Variants in MAF observed in about 807,000 individuals in gnomAD.
The protein encoded by MAF is MAF bZIP transcription factor.
Under a neutral mutation model 22.0 loss-of-function variants are expected in MAF, and 10 were observed. That is an observed-to-expected ratio of 0.45 (90% CI 0.28 to 0.77). MAF has a LOEUF of 0.77. Among genes scored for constraint, MAF ranks in the 30% least tolerant of loss-of-function variants. The pLI is 0.12. For missense variants in MAF, 544 were observed against 548.4 expected, an observed-to-expected ratio of 0.99 and a Z score of 0.08; for synonymous variants, 337 against 255.8, an observed-to-expected ratio of 1.32 and a Z score of -3.03.
chr16:79,534,137 A>C, the MAF span, among the ~76,000 whole-genome samples: 1 of 152,356 alleles, frequency 6.6e-6, no homozygotes, highest in Non-Finnish European at 1.5e-5. Context: ...GCTATTCAGA[A>C]GTACAGCTTG....
the MAF span, chr16:79,211,580 T>G: frequency 3.1e-6 from 5 of 1,613,750 alleles, no homozygotes; most frequent in Non-Finnish European, 4.2e-6. Context: ...CTTAAAATTT[T>G]TTTTTGTCTT....
the MAF span, among the ~76,000 whole-genome samples, chr16:79,455,534 A>C: frequency 7.9e-5 from 12 of 152,330 alleles, no homozygotes; most frequent in South Asian, 2.1e-4. Context: ...CTAGTCTTCC[A>C]GCCAACATAC....
the MAF span, among the ~76,000 whole-genome samples, chr16:79,490,986 C>A: frequency 2.0e-5 from 3 of 152,038 alleles, no homozygotes; most frequent in Admixed American, 2.0e-4. Context: ...CAAACACAAG[C>A]TAGGGAAATC....
the MAF span, among the ~76,000 whole-genome samples, chr16:79,213,643 T>G: frequency 2.5e-4 from 38 of 152,322 alleles, no homozygotes; most frequent in South Asian, 1.0e-3. Flanking sequence ...GCTAGCCTGC[T>G]GGATGATGAG....
chr16:79,294,557 C>T, the MAF span, among the ~76,000 whole-genome samples: 2 of 152,138 alleles, frequency 1.3e-5, no homozygotes, highest in African/African-American at 2.4e-5. Context: ...GTATTGTAAT[C>T]CCTGGGAAAT....
At chr16:79,457,392 T>A in the MAF span, among the ~76,000 whole-genome samples, 1 of 151,014 alleles carries the variant, frequency 6.6e-6, no homozygotes, top group Non-Finnish European at 1.5e-5. Context: ...CACTTTGGTT[T>A]TTTTTTTTTT....
the MAF span, among the ~76,000 whole-genome samples, chr16:79,253,490 G>C: frequency 6.6e-6 from 1 of 152,138 alleles, no homozygotes; most frequent in Admixed American, 6.5e-5. Flanking sequence ...GGCAGTTCCT[G>C]TGGCCTCCCT....
At chr16:79,338,458 G>A in the MAF span, among the ~76,000 whole-genome samples, 1 of 152,284 alleles carries the variant, frequency 6.6e-6, no homozygotes, top group South Asian at 2.1e-4. Flanking sequence ...TTTGGGAGCA[G>A]AATGAAGGCT....
At chr16:79,348,170 A>G in the MAF span, among the ~76,000 whole-genome samples, 1 of 152,244 alleles carries the variant, frequency 6.6e-6, no homozygotes, top group African/African-American at 2.4e-5. Flanking sequence ...AGAGGGGGAA[A>G]GAAGTTCTGA....
At chr16:79,290,908 A>T in the MAF span, among the ~76,000 whole-genome samples, 1 of 152,152 alleles carries the variant, frequency 6.6e-6, no homozygotes, top group Admixed American at 6.5e-5. Context: ...CCTCAACCAG[A>T]CTTTCTGTGG....
the MAF span, among the ~76,000 whole-genome samples, chr16:79,406,847 G>A: frequency 6.6e-6 from 1 of 152,146 alleles, no homozygotes; most frequent in African/African-American, 2.4e-5. Context: ...TGCCCTTCCT[G>A]GGACAGAGGA....
intron 1 of MAF, among the ~76,000 whole-genome samples, chr16:79,588,024 G>A (rs562135689): frequency 1.3e-5 from 2 of 152,290 alleles, no homozygotes; most frequent in Admixed American, 6.5e-5. Flanking sequence ...TTTTCGAGCT[G>A]GGCCGCAGTG....
the MAF span, among the ~76,000 whole-genome samples, chr16:79,245,327 G>T: frequency 1.3e-5 from 2 of 151,878 alleles, no homozygotes; most frequent in African/African-American, 4.8e-5. Flanking sequence ...ATCTGACAAA[G>T]GGCTAATACC....
the MAF span, chr16:79,212,328 C>A: frequency 5.3e-6 from 4 of 754,232 alleles, no homozygotes; most frequent in Non-Finnish European, 6.1e-6. Context: ...AGAACCTTGT[C>A]CCAGCCAGTG....
chr16:79,442,071 C>T, the MAF span, among the ~76,000 whole-genome samples: 2 of 152,220 alleles, frequency 1.3e-5, no homozygotes, highest in Non-Finnish European at 2.9e-5. Context: ...GGCTATCCCT[C>T]AGACCCTTCA....
At chr16:79,538,593 G>A in the MAF span, among the ~76,000 whole-genome samples, 1 of 151,976 alleles carries the variant, frequency 6.6e-6, no homozygotes, top group African/African-American at 2.4e-5. Context: ...TAATTAAAAG[G>A]CCAGAGATAA....
the MAF span, among the ~76,000 whole-genome samples, chr16:79,271,499 C>G: frequency 0.015 from 2,313 of 152,312 alleles, 54 homozygotes; most frequent in African/African-American, 0.042. Flanking sequence ...ATTACCTGCT[C>G]TCCAAAATCC....
chr16:79,595,335 A>C, intron 1 of MAF: 1 of 1,050,262 alleles, frequency 9.5e-7, no homozygotes, highest in Non-Finnish European at 1.1e-6. Flanking sequence ...CCAGATGATA[A>C]ACTGGCCAGA....
the MAF span, among the ~76,000 whole-genome samples, chr16:79,247,071 G>A: frequency 1.6e-4 from 24 of 152,322 alleles, no homozygotes; most frequent in African/African-American, 5.5e-4. Context: ...AGAGTATAAT[G>A]GGCAAGTGCC....
Sources: gnomAD v4.1 joint callset for allele counts (sites outside exome capture counted in the v4.1 genomes callset) on GRCh38, gnomAD v4.1.1 for gene constraint, MANE v1.5 for transcripts, NCBI Gene and HGNC (gene_info 2026-07-23, HGNC 2026-07-21) for gene names.